Variants in LRRC4C observed in about 807,000 individuals in gnomAD.
The protein encoded by LRRC4C is leucine-rich repeat-containing protein 4C.
LRRC4C carries 5 observed loss-of-function variants against 33.6 expected under a neutral mutation model. The observed-to-expected ratio is 0.15, with a 90% CI of 0.08 to 0.31. The LOEUF is 0.31. LRRC4C is among the 10% of genes least tolerant of loss of function. The probability of loss-of-function intolerance (pLI) is 1.00; values close to 1 mark genes in which losing one functional copy is unlikely to be tolerated. For missense variants in LRRC4C, 560 were observed against 796.7 expected (o/e 0.70, Z 3.58); for synonymous variants, 329 against 302.0 (o/e 1.09, Z -0.93).
intron 2 of LRRC4C, among the ~76,000 whole-genome samples, chr11:40,914,991 A>C (rs1956881513): frequency 6.6e-6 from 1 of 152,194 alleles, no homozygotes; most frequent in Non-Finnish European, 1.5e-5. Flanking sequence ...CTTACAGGGG[A>C]AGTGAAGGAC....
At chr11:40,548,225 A>C (rs1957002264) in intron 3 of LRRC4C, among the ~76,000 whole-genome samples, 1 of 152,058 alleles carries the variant, frequency 6.6e-6, no homozygotes, top group South Asian at 2.1e-4. Context: ...GTGCTTTCCC[A>C]AAAAATGTAT....
chr11:40,725,966 A>G (rs1051635749), intron 2 of LRRC4C, among the ~76,000 whole-genome samples: 1 of 152,190 alleles, frequency 6.6e-6, no homozygotes, highest in Non-Finnish European at 1.5e-5. Context: ...CAAAAGTGAC[A>G]TTACAACAAA....
At chr11:40,816,024 CA>C (rs1269879354) in intron 2 of LRRC4C, among the ~76,000 whole-genome samples, 1 of 152,172 alleles carries the variant, frequency 6.6e-6, no homozygotes, top group Non-Finnish European at 1.5e-5. Flanking sequence ...GACTTCCCCC[CA>C]GTTTGTCCTA....
intron 1 of LRRC4C, among the ~76,000 whole-genome samples, chr11:40,952,896 A>ACACACACACACACT (rs1156767689): frequency 1.4e-5 from 1 of 70,158 alleles, no homozygotes; most frequent in African/African-American, 4.9e-5. Context: ...ACACACACAC[A>ACACACACACACACT]CTCTCTCTCT....
In LRRC4C at chr11:40,984,893, C is replaced by CTTTTTTTTTTTTTTTTTTTTTTTTTTTT. The variant is rs562785410; in HGVS notation, c.-495-51171_-495-51170insAAAAAAAAAAAAAAAAAAAAAAAAAAAA. Among the ~76,000 whole-genome samples the CTTTTTTTTTTTTTTTTTTTTTTTTTTTT allele has an allele frequency of 1.3e-4, 7 of 52,270 alleles. 2 individuals are homozygous for CTTTTTTTTTTTTTTTTTTTTTTTTTTTT. The highest frequency in any genetic ancestry group is 2.6e-4 in the Non-Finnish European group (7 of 27,232). The allele number at this position is 52,270 out of a possible 152,430, so 34.3% of individuals were successfully genotyped here. On this transcript the variant is annotated intron_variant, in intron 1 of 6. Transcript: ENST00000528697. ...CACGACAACTCTGTTCTCACTGACA[C>CTTTTTTTTTTTTTTTTTTTTTTTTTTTT]TTTTTTTTTTTTTTTTTTTTTTTTT...
At chr11:40,168,568 G>A (rs1270411045) in intron 5 of LRRC4C, among the ~76,000 whole-genome samples, 1 of 152,188 alleles carries the variant, frequency 6.6e-6, no homozygotes, top group Non-Finnish European at 1.5e-5. Context: ...GCAGCACAGA[G>A]CACAAAGGCT....
At chr11:40,722,094 T>C (rs1564976585) in intron 2 of LRRC4C, among the ~76,000 whole-genome samples, 1 of 152,152 alleles carries the variant, frequency 6.6e-6, no homozygotes, top group Admixed American at 6.5e-5. Flanking sequence ...TACAGACAAA[T>C]GTATTTAAAA....
intron 3 of LRRC4C, among the ~76,000 whole-genome samples, chr11:40,461,326 C>A (rs896210759): frequency 1.3e-5 from 2 of 152,116 alleles, no homozygotes; most frequent in African/African-American, 4.8e-5. Context: ...TGTAGTGAAG[C>A]ATAGCTTTTT....
intron 3 of LRRC4C, among the ~76,000 whole-genome samples, chr11:40,521,658 C>A (rs1035727379): frequency 1.3e-5 from 2 of 152,050 alleles, no homozygotes; most frequent in African/African-American, 4.8e-5. Flanking sequence ...ATCATGAGGT[C>A]AAGAGATCAA....
chr11:41,267,469 T>G (rs937854644), intron 1 of LRRC4C, among the ~76,000 whole-genome samples: 1 of 152,132 alleles, frequency 6.6e-6, no homozygotes, highest in Non-Finnish European at 1.5e-5. Context: ...CACATATTTA[T>G]TGCAGGACTG....
chr11:40,856,510 A>G (rs1255996101), intron 2 of LRRC4C, among the ~76,000 whole-genome samples: 1 of 152,220 alleles, frequency 6.6e-6, no homozygotes, highest in Non-Finnish European at 1.5e-5. Context: ...TAGATTCCTT[A>G]ATGCATTTAT....
At chr11:40,659,521 T>A (rs1343501388) in intron 2 of LRRC4C, among the ~76,000 whole-genome samples, 1 of 152,064 alleles carries the variant, frequency 6.6e-6, no homozygotes, top group African/African-American at 2.4e-5. Flanking sequence ...CATGGACCAA[T>A]CAGCATGCAC....
intron 4 of LRRC4C, among the ~76,000 whole-genome samples, chr11:40,256,063 A>T (rs753991964): frequency 6.6e-6 from 1 of 152,228 alleles, no homozygotes; most frequent in African/African-American, 2.4e-5. Context: ...TTTGAGATCT[A>T]CAACCTTTTT....
At chr11:41,218,080 T>C (rs575756737) in intron 1 of LRRC4C, among the ~76,000 whole-genome samples, 3 of 152,172 alleles carry the variant, frequency 2.0e-5, no homozygotes, top group South Asian at 2.1e-4. Context: ...CATGTGGTAT[T>C]ATACTTAATT....
At chr11:41,002,760 A>G (rs1191444185) in intron 1 of LRRC4C, among the ~76,000 whole-genome samples, 1 of 152,200 alleles carries the variant, frequency 6.6e-6, no homozygotes, top group Non-Finnish European at 1.5e-5. Context: ...AAAAGTAGAA[A>G]GTCAATATGC....
At chr11:41,262,270 A>C (rs1356068170) in intron 1 of LRRC4C, among the ~76,000 whole-genome samples, 1 of 152,090 alleles carries the variant, frequency 6.6e-6, no homozygotes, top group Non-Finnish European at 1.5e-5. Flanking sequence ...GGCTGCTTAC[A>C]CAGTACAACT....
At chr11:40,248,887 C>T (rs546474126) in intron 4 of LRRC4C, among the ~76,000 whole-genome samples, 1 of 152,130 alleles carries the variant, frequency 6.6e-6, no homozygotes, top group Non-Finnish European at 1.5e-5. Context: ...ACATTGTCCT[C>T]TGAGGAGTAG....
At chr11:40,281,454 C>T (rs1262157956) in intron 4 of LRRC4C, among the ~76,000 whole-genome samples, 3 of 152,098 alleles carry the variant, frequency 2.0e-5, no homozygotes, top group South Asian at 2.1e-4. Flanking sequence ...TTCTCAATCT[C>T]TCTCTCTCTT....
intron 3 of LRRC4C, among the ~76,000 whole-genome samples, chr11:40,612,607 G>A (rs1174486046): frequency 6.6e-6 from 1 of 151,872 alleles, no homozygotes; most frequent in Non-Finnish European, 1.5e-5. Context: ...TGTAATATTT[G>A]CATAAAAATA....
Sources: allele counts gnomAD v4.1 joint callset (sites outside exome capture counted in the v4.1 genomes callset), GRCh38; gene constraint gnomAD v4.1.1; transcripts MANE v1.5; gene names NCBI Gene and HGNC (gene_info 2026-07-23, HGNC 2026-07-21).